The following FBLN1 variants were observed in gnomAD, a reference collection of about 807,000 sequenced individuals.
FBLN1 encodes fibulin-1.
A neutral mutation model predicts 89.7 loss-of-function variants in FBLN1; 34 were observed. The observed-to-expected ratio is 0.38, with a 90% confidence interval of 0.29 to 0.50. The LOEUF is 0.50. Ranked by LOEUF, FBLN1 falls within the 20% of genes least tolerant of loss-of-function variation. The pLI is 0.92. For synonymous variants in FBLN1, 393 were observed against 391.3 expected (o/e 1.00, Z -0.05); for missense variants, 777 against 988.1 (o/e 0.79, Z 2.86).
At chr22:45,554,610 C>T (rs942713520) in intron 14 of FBLN1, among the ~76,000 whole-genome samples, 6 of 152,212 alleles carry the variant, frequency 3.9e-5, no homozygotes, top group African/African-American at 1.4e-4. Context: ...TCAAGCAAGT[C>T]CAAGTAACCC....
rs1343117005 is a variant in FBLN1 at position 45,579,757 on chromosome 22, G to A, written c.1972+2649G>A. Reference sequence around the variant, plus strand: ...TGGCTCCTGTCTCTGTCCCCACTGCGCTGATCTTATTTCTCTGTCTGAGAT... The same window carrying A: ...TGGCTCCTGTCTCTGTCCCCACTGCACTGATCTTATTTCTCTGTCTGAGAT... On this transcript the variant is annotated intron_variant, in intron 16 of 16. Coordinates refer to ENST00000327858, the MANE Select transcript of FBLN1 (RefSeq NM_006486.3). The surrounding 1 kb of genome is among the most constrained non-coding windows in gnomAD (Gnocchi z 5.5). Among the ~76,000 whole-genome samples, 1 of 152,120 alleles carries A rather than the reference G, an allele frequency of 6.6e-6. No homozygotes were observed. Among genetic ancestry groups the A allele is most frequent in the African/African-American group, 2.4e-5 (1 of 41,414 alleles).
intron 16 of FBLN1, among the ~76,000 whole-genome samples, chr22:45,598,867 C>T (rs1416973117): frequency 6.6e-6 from 1 of 152,214 alleles, no homozygotes; most frequent in Non-Finnish European, 1.5e-5. Context: ...GGCATGGCAC[C>T]GTTTGTTGCT....
rs1252590713 is a variant in FBLN1 at position 45,561,125 on chromosome 22, T to C, written c.1697+10510T>C. 6.6e-6 allele frequency among the ~76,000 whole-genome samples: 1 copy of C among 152,208 alleles called. No homozygotes were observed. The highest frequency in any genetic ancestry group is 1.5e-5 in the Non-Finnish European group (1 of 68,036). Reference sequence around the variant, plus strand: ...CCCATTCCAAGTTGCAGGGTCCCATTCTTTTTCAATCAATGCCCTCACTTT... The same window carrying C: ...CCCATTCCAAGTTGCAGGGTCCCATCCTTTTTCAATCAATGCCCTCACTTT... On this transcript the variant is annotated intron_variant, in intron 14 of 16. Coordinates refer to ENST00000327858, the MANE Select transcript of FBLN1 (RefSeq NM_006486.3). The surrounding 1 kb of genome is among the most constrained non-coding windows in gnomAD (Gnocchi z 4.7).
intron 1 of FBLN1, among the ~76,000 whole-genome samples, chr22:45,508,418 C>T (rs1011821460): frequency 1.3e-5 from 2 of 151,844 alleles, no homozygotes; most frequent in South Asian, 2.1e-4. Context: ...CCCGCCACCA[C>T]GCCTGGCTAA....
chr22:45,541,326 C>A lies in FBLN1; in HGVS notation c.1020C>A (p.Asn340Lys). ...GSYTCQKNVP[N>K]CGRGYHLNEE... ...ACACGTGCCAGAAGAACGTGCCCAA[C>A]TGTGGCCGTGGCTACCATCTCAACG... The change falls in exon 9 of 17, where the codon AAC (asparagine) becomes AAA (lysine). Residue 340 changes from asparagine to lysine, a missense_variant. By Grantham distance (94) the Asn-to-Lys change is moderately conservative. Transcript: ENST00000327858. The A allele has an allele frequency of 2.5e-6, 4 of 1,614,270 alleles. No homozygotes were observed. The highest frequency in any genetic ancestry group is 3.4e-6 in the Non-Finnish European group (4 of 1,180,040).
At chr22:45,519,392 G>T (rs1430722812) in intron 2 of FBLN1, among the ~76,000 whole-genome samples, 1 of 151,920 alleles carries the variant, frequency 6.6e-6, no homozygotes, top group Non-Finnish European at 1.5e-5. Context: ...AGGCCGAGGT[G>T]GGTGGATCAC....
At chr22:45,507,376 A>G (rs1569230939) in intron 1 of FBLN1, among the ~76,000 whole-genome samples, 2 of 152,210 alleles carry the variant, frequency 1.3e-5, no homozygotes, top group Admixed American at 6.5e-5. Flanking sequence ...GATGACACCC[A>G]CAAACTCTCT....
At chr22:45,559,415 A>G (rs2088826741) in intron 14 of FBLN1, among the ~76,000 whole-genome samples, 2 of 152,208 alleles carry the variant, frequency 1.3e-5, no homozygotes, top group South Asian at 4.1e-4. Context: ...CCCTCCGGGA[A>G]TACGATATTG....
At chr22:45,507,518 C>T (rs779471921) in intron 1 of FBLN1, among the ~76,000 whole-genome samples, 4 of 152,022 alleles carry the variant, frequency 2.6e-5, no homozygotes, top group Non-Finnish European at 5.9e-5. Context: ...TTGTTTTGAA[C>T]CTATTTTTAT....
chr22:45,599,010 A>C (rs1027524275), intron 16 of FBLN1, among the ~76,000 whole-genome samples: 1 of 152,368 alleles, frequency 6.6e-6, no homozygotes, highest in African/African-American at 2.4e-5. Context: ...AGGCAGTGCC[A>C]GCTGGGCCTG....
chr22:45,559,223 C>A (rs1044428341), intron 14 of FBLN1, among the ~76,000 whole-genome samples: 1 of 152,172 alleles, frequency 6.6e-6, no homozygotes, highest in Admixed American at 6.5e-5. Flanking sequence ...AGCAATGAAA[C>A]CACATCTGGT....
At chr22:45,565,689 T>C (rs1235501052) in intron 14 of FBLN1, 1 of 175,920 alleles carries the variant, frequency 5.7e-6, no homozygotes, top group Non-Finnish European at 1.2e-5. Flanking sequence ...TGAATAAACA[T>C]GCAGGTTGAT....
intron 14 of FBLN1, chr22:45,564,917 A>G: frequency 1.2e-6 from 2 of 1,614,158 alleles, no homozygotes; most frequent in South Asian, 1.1e-5. Flanking sequence ...AGAACACCCC[A>G]GCGGGATCAA....
rs1167270929 is a variant in FBLN1, at chr22:45,532,175, T to G, written c.544+851T>G. ...GCAGTCAGTGTACAGTGACAGTTGG[T>G]CCAGGGGCGCTGTCCAGGGGCCTGG... On this transcript the variant is annotated intron_variant, in intron 5 of 16. Coordinates refer to ENST00000327858, the MANE Select transcript of FBLN1 (RefSeq NM_006486.3). The surrounding 1 kb of genome is among the most constrained non-coding windows in gnomAD (Gnocchi z 4.2). Among the ~76,000 whole-genome samples, 2 of 152,078 alleles carry G rather than the reference T, an allele frequency of 1.3e-5. No homozygotes were observed. Among genetic ancestry groups the G allele is most frequent in the Non-Finnish European group, 2.9e-5 (2 of 68,016 alleles).
chr22:45,507,078 T>C (rs1378802108), intron 1 of FBLN1, among the ~76,000 whole-genome samples: 1 of 152,068 alleles, frequency 6.6e-6, no homozygotes, highest in Non-Finnish European at 1.5e-5. Flanking sequence ...TTCCCTGGGA[T>C]AGGAGACCCC....
At position 45,579,161 on chromosome 22, in the gene FBLN1, G is replaced by T. The variant is rs987577441; in HGVS notation, c.1972+2053G>T. Among the ~76,000 whole-genome samples, 9 of 152,366 alleles carry T rather than the reference G, an allele frequency of 5.9e-5. No individual in the cohort carries two copies. The highest frequency in any genetic ancestry group is 2.2e-4 in the African/African-American group (9 of 41,582). The stretch of plus-strand genomic sequence containing the variant: ...CACCCACCAGCGCCTTTCTCTGGCT[G>T]CATCTGCTCCAGACAGAACCAACCT... On this transcript the variant is annotated intron_variant, in intron 16 of 16. Coordinates refer to ENST00000327858, the MANE Select transcript of FBLN1 (RefSeq NM_006486.3). This position sits in a 1 kb window ranked among gnomAD's most constrained non-coding sequence, Gnocchi z 5.5.
At chr22:45,518,835 A>C in intron 2 of FBLN1, 48 bp downstream of exon 2, 2 of 1,480,484 alleles carry the variant, frequency 1.4e-6, no homozygotes, top group Non-Finnish European at 1.9e-6. Context: ...GTTCCTTTAG[A>C]GAAAAGTGGG....
At chr22:45,582,742 A>G (rs1384769997) in intron 16 of FBLN1, among the ~76,000 whole-genome samples, 1 of 152,164 alleles carries the variant, frequency 6.6e-6, no homozygotes, top group Non-Finnish European at 1.5e-5. Flanking sequence ...CACTCTGCAC[A>G]GTTGTTTCTG....
rs1254536864 is a variant in FBLN1 at position 45,557,259 on chromosome 22, G to A, written c.1697+6644G>A. Among the ~76,000 whole-genome samples, 2 of 152,192 alleles carry A rather than the reference G, an allele frequency of 1.3e-5. No homozygotes were observed. Among genetic ancestry groups the A allele is most frequent in the African/African-American group, 4.8e-5 (2 of 41,434 alleles). On this transcript the variant is annotated intron_variant, in intron 14 of 16. Coordinates refer to ENST00000327858, the MANE Select transcript of FBLN1 (RefSeq NM_006486.3). This position sits in a 1 kb window ranked among gnomAD's most constrained non-coding sequence, Gnocchi z 4.9. ...AAGGCATTCTGTGAACCCACGGATGGTAGTCTTGGCAGAAGCATCGTGTGC... is the reference window on the plus strand; with the variant it reads ...AAGGCATTCTGTGAACCCACGGATGATAGTCTTGGCAGAAGCATCGTGTGC...
Sources: gnomAD v4.1 joint callset for allele counts (sites outside exome capture counted in the v4.1 genomes callset) on GRCh38, gnomAD v4.1.1 for gene constraint, Gnocchi (gnomAD v3.1) non-coding constraint, MANE v1.5 for transcripts, NCBI Gene and HGNC (gene_info 2026-07-23, HGNC 2026-07-21) for gene names.